The following P2RX7 variants were observed in gnomAD, a reference collection of about 807,000 sequenced individuals.
P2RX7 encodes the protein purinergic receptor P2X 7, also known as P2X purinoceptor 7.
A neutral mutation model predicts 71.6 loss-of-function variants in P2RX7; 62 were observed. The ratio of observed to expected loss-of-function variants is 0.87; its 90% CI spans 0.71 to 1.07. The LOEUF is 1.07. Among genes scored for constraint, P2RX7 ranks in the 50% least tolerant of loss-of-function variants. P2RX7 has a pLI of 0.00. For synonymous variants in P2RX7, 299 were observed against 283.3 expected, an observed-to-expected ratio of 1.06 and a Z score of -0.56; for missense variants, 686 against 748.5, an observed-to-expected ratio of 0.92 and a Z score of 0.97.
At chr12:121,167,032 A>G (rs1881198576) in intron 7 of P2RX7, among the ~76,000 whole-genome samples, 1 of 149,378 alleles carries the variant, frequency 6.7e-6, no homozygotes, top group Non-Finnish European at 1.5e-5. Context: ...AGCCTAGGTG[A>G]CAAGAGCGAA....
At chr12:121,160,112 CTTTCTTTCTTTCTT>C (rs201752051) in intron 3 of P2RX7, among the ~76,000 whole-genome samples, 105 of 150,168 alleles carry the variant, frequency 7.0e-4, no homozygotes, top group African/African-American at 2.2e-3. Context: ...TTTTTTTTTC[CTTTCTTTCTTTCTT>C]TTTCTTTCTT....
intron 8 of P2RX7, among the ~76,000 whole-genome samples, chr12:121,169,187 C>T (rs532789036): frequency 2.0e-5 from 3 of 152,272 alleles, no homozygotes; most frequent in African/African-American, 7.2e-5. Flanking sequence ...AGGCTGGTCT[C>T]AAACTCCTGG....
intron 11 of P2RX7, 127 bp from the exon 12 acceptor site, chr12:121,180,227 G>A (rs1883903428): frequency 2.6e-6 from 1 of 388,826 alleles, no homozygotes; most frequent in South Asian, 6.0e-5. Context: ...CTTGGTTAAT[G>A]AGAGTTTTGA....
intron 8 of P2RX7, among the ~76,000 whole-genome samples, chr12:121,170,362 T>C (rs1386703392): frequency 6.6e-6 from 1 of 152,184 alleles, no homozygotes; most frequent in Non-Finnish European, 1.5e-5. Flanking sequence ...CATCTGCTCC[T>C]GGAGAGACCT....
chr12:121,166,232 G>T (rs893250774), intron 7 of P2RX7, 45 bp downstream of exon 7: 17 of 1,589,392 alleles, frequency 1.1e-5, no homozygotes, highest in Non-Finnish European at 1.5e-5. Flanking sequence ...GTGTGTCTAG[G>T]GATGGAGGAT....
chr12:121,158,733 T>TA (rs34523898), intron 3 of P2RX7, among the ~76,000 whole-genome samples: 7,744 of 151,276 alleles, frequency 0.051, 223 homozygotes, highest in South Asian at 0.08. Context: ...TGCTGTTTTT[T>TA]AAAAAAAAAA....
At chr12:121,163,630 T>C (rs11065462) in intron 5 of P2RX7, among the ~76,000 whole-genome samples, 41,352 of 148,222 alleles carry the variant, frequency 0.28, 5,947 homozygotes, top group East Asian at 0.43. Flanking sequence ...GATAGATAGA[T>C]AGATAGATAG....
In P2RX7 at chr12:121,184,957, C is replaced by T; in HGVS notation, c.*155C>T. On this transcript the variant is annotated 3_prime_UTR_variant, in exon 13 of 13. Coordinates refer to ENST00000328963, the MANE Select transcript of P2RX7 (RefSeq NM_002562.6). Reference sequence around the variant, plus strand: ...AAAATCAGCCAGACATGGTGGCATGCACCTGCAATCCCAGCTACTCGGGAG... The same window carrying T: ...AAAATCAGCCAGACATGGTGGCATGTACCTGCAATCCCAGCTACTCGGGAG... The T allele has an allele frequency of 1.6e-6, 1 of 607,958 alleles. No homozygotes were observed. The highest frequency in any genetic ancestry group is 2.8e-5 in the East Asian group (1 of 35,244). 37.7% of individuals were successfully genotyped at this position (607,958 alleles called of 1,614,324 possible).
chr12:121,154,809 G>C lies in P2RX7; in HGVS notation c.150G>C (p.Leu50=), dbSNP rs763374310. The C allele has an allele frequency of 2.5e-6, 4 of 1,613,598 alleles. No individual in the cohort carries two copies. In the African/African-American group the frequency reaches 5.3e-5, roughly 22 times the overall value. ...YVCFALVSDK[L]YQRKEPVISS... ...GCTTTGCTCTGGTGAGTGACAAGCT[G>C]TACCAGCGGAAAGAGCCTGTCATCA... Residue 50 remains leucine (L), a synonymous_variant, in exon 2 of 13, where the codon CTG becomes CTC. Coordinates refer to ENST00000328963, the MANE Select transcript of P2RX7 (RefSeq NM_002562.6). The surrounding 1 kb of genome is among the most constrained non-coding windows in gnomAD (Gnocchi z 4.2).
chr12:121,141,071 G>A (rs1874737015), intron 1 of P2RX7, among the ~76,000 whole-genome samples: 1 of 152,166 alleles, frequency 6.6e-6, no homozygotes, highest in Admixed American at 6.5e-5. Flanking sequence ...GGGCAACAGA[G>A]TGAGACCCCA....
chr12:121,155,024 A>G (rs1878285845), intron 2 of P2RX7, 71 bp downstream of exon 2: 2 of 1,589,054 alleles, frequency 1.3e-6, no homozygotes, highest in African/African-American at 1.3e-5. Context: ...CCCTTCCCCT[A>G]GGATCTACAG....
intron 1 of P2RX7, among the ~76,000 whole-genome samples, chr12:121,152,261 G>A (rs1244179164): frequency 2.0e-5 from 3 of 152,150 alleles, no homozygotes; most frequent in African/African-American, 7.2e-5. Flanking sequence ...GATTACAGGT[G>A]TGAGACACTA....
At chr12:121,143,081 CA>C (rs76972263) in intron 1 of P2RX7, among the ~76,000 whole-genome samples, 364 of 123,234 alleles carry the variant, frequency 3.0e-3, no homozygotes, top group Middle Eastern at 4.8e-3. Flanking sequence ...GACTTCATCT[CA>C]AAAAAAAAAA....
chr12:121,158,138 C>T lies in P2RX7; in HGVS notation c.363+1991C>T, dbSNP rs555875529. 2.4e-4 allele frequency among the ~76,000 whole-genome samples: 37 copies of T among 152,238 alleles called. 1 individual carries two copies. Among genetic ancestry groups the T allele is most frequent in the African/African-American group, 8.9e-4 (37 of 41,550 alleles). Reference sequence around the variant, plus strand: ...TCTCGGGTTGTCTCGGTAAATATGACCAAGTTCCAGTTACACACCAACATG... The same window carrying T: ...TCTCGGGTTGTCTCGGTAAATATGATCAAGTTCCAGTTACACACCAACATG... On this transcript the variant is annotated intron_variant, in intron 3 of 12. Coordinates refer to ENST00000328963, the MANE Select transcript of P2RX7 (RefSeq NM_002562.6).
At chr12:121,157,436 A>G (rs1055987583) in intron 3 of P2RX7, among the ~76,000 whole-genome samples, 1 of 152,196 alleles carries the variant, frequency 6.6e-6, no homozygotes, top group African/African-American at 2.4e-5. Context: ...AGAGCTTTCT[A>G]CATTTGTTTT....
intron 2 of P2RX7, among the ~76,000 whole-genome samples, chr12:121,155,797 AAAAAACAAAAAC>A (rs912051111): frequency 6.0e-5 from 9 of 151,040 alleles, no homozygotes; most frequent in African/African-American, 9.9e-5. Context: ...CTGCGTAAAA[AAAAAACAAAAAC>A]AAAAACAAAA....
Position 121,187,704 on chromosome 12 carries a change from T to TCACGGTG in P2RX7, c.*2902_*2903insCACGGTG, listed in dbSNP as rs1250597671. On this transcript the variant is annotated 3_prime_UTR_variant, in exon 13 of 13. Coordinates refer to ENST00000328963, the MANE Select transcript of P2RX7 (RefSeq NM_002562.6). The stretch of plus-strand genomic sequence containing the variant: ...GTAATATGTCAGACACGTCCTACAA[T>TCACGGTG]AACAGGCGTCATATTTGTATTATTT... The TCACGGTG allele has an allele frequency of 9.2e-5, 14 of 152,228 alleles. No individual in the cohort carries two copies. Among genetic ancestry groups the TCACGGTG allele is most frequent in the Non-Finnish European group, 1.6e-4 (11 of 68,030 alleles). 9.4% of individuals were successfully genotyped at this position (152,228 alleles called of 1,614,324 possible).
Position 121,149,733 on chromosome 12 carries a change from T to C in P2RX7, c.126-5052T>C, listed in dbSNP as rs1877002547. Among the ~76,000 whole-genome samples the C allele has an allele frequency of 1.3e-5, 2 of 152,144 alleles. No homozygotes were observed. The highest frequency in any genetic ancestry group is 2.9e-5 in the Non-Finnish European group (2 of 68,024). Reference sequence around the variant, plus strand: ...GCTCTGTTCTACTTCCCAAAATCTTTCCAGCTTTGTTCTTTTTTAGAGACT... The same window carrying C: ...GCTCTGTTCTACTTCCCAAAATCTTCCCAGCTTTGTTCTTTTTTAGAGACT... On this transcript the variant is annotated intron_variant, in intron 1 of 12. Transcript: ENST00000328963. This position sits in a 1 kb window ranked among gnomAD's most constrained non-coding sequence, Gnocchi z 4.7.
intron 8 of P2RX7, among the ~76,000 whole-genome samples, chr12:121,173,843 C>T (rs1047140865): frequency 1.3e-5 from 2 of 151,970 alleles, no homozygotes; most frequent in African/African-American, 2.4e-5. Context: ...ATATGATTTT[C>T]ACACCCTCAC....
Sources: gnomAD v4.1 joint callset for allele counts (sites outside exome capture counted in the v4.1 genomes callset) on GRCh38, gnomAD v4.1.1 for gene constraint, Gnocchi (gnomAD v3.1) non-coding constraint, MANE v1.5 for transcripts, NCBI Gene and HGNC (gene_info 2026-07-23, HGNC 2026-07-21) for gene names.